The following SIRPB2 variants were observed in gnomAD, a reference collection of about 807,000 sequenced individuals.
The protein encoded by SIRPB2 is signal-regulatory protein beta-2.
Under a neutral mutation model 27.1 loss-of-function variants are expected in SIRPB2, and 18 were observed. That is an observed-to-expected ratio of 0.66 (90% CI 0.46 to 0.98). The LOEUF (loss-of-function observed/expected upper bound fraction) is 0.98, where lower values mean the gene tolerates loss of function less well. Ranked by LOEUF, SIRPB2 falls within the 50% of genes least tolerant of loss-of-function variation. SIRPB2 has a pLI of 0.00. For synonymous variants in SIRPB2, 150 were observed against 164.6 expected, an observed-to-expected ratio of 0.91 and a Z score of 0.68; for missense variants, 420 against 417.4, an observed-to-expected ratio of 1.01 and a Z score of -0.06.
chr20:1,483,363 T>A lies in SIRPB2; in HGVS notation c.86-3298A>T, dbSNP rs111961698. On this transcript the variant is annotated intron_variant, in intron 1 of 4. Coordinates refer to ENST00000359801, the MANE Select transcript of SIRPB2 (RefSeq NM_001122962.2). Reference sequence around the variant, plus strand: ...CTCAGGTGATCTGCCCACCTCAGCCTCCCATAGTGCTGGGATTACAGGCAC... The same window carrying A: ...CTCAGGTGATCTGCCCACCTCAGCCACCCATAGTGCTGGGATTACAGGCAC... Among the ~76,000 whole-genome samples the A allele has an allele frequency of 2.4e-3, 369 of 152,274 alleles. 2 individuals carry two copies. The highest frequency in any genetic ancestry group is 8.7e-3 in the African/African-American group (360 of 41,554).
rs1261264381 is a variant in SIRPB2 at position 1,476,266 on chromosome 20, G to A, written c.930C>T (p.Ala310=). The A allele has an allele frequency of 6.2e-7, 1 of 1,613,888 alleles. No homozygotes were observed. Among genetic ancestry groups the A allele is most frequent in the Non-Finnish European group, 8.5e-7 (1 of 1,179,994 alleles). ...KAITLAALLL[A]LATSRRSPGQ... ...CAGGGCTCCTCCGAGAGGTAGCCAG[G>A]GCCAGTAGGAGTGCAGCCAAGGTAA... is the stretch of plus-strand genomic sequence containing the variant. The change falls in exon 5 of 5, where the codon GCC becomes GCT. Residue 310 remains alanine, a synonymous_variant. Transcript: ENST00000359801.
intron 1 of SIRPB2, among the ~76,000 whole-genome samples, chr20:1,485,602 C>A (rs1454054802): frequency 2.0e-5 from 3 of 151,030 alleles, no homozygotes; most frequent in Admixed American, 2.0e-4. Flanking sequence ...AGGAAATCAT[C>A]AAGCTGGAAA....
intron 1 of SIRPB2, among the ~76,000 whole-genome samples, chr20:1,482,832 A>T (rs984147269): frequency 6.6e-6 from 1 of 151,138 alleles, no homozygotes; most frequent in Non-Finnish European, 1.5e-5. Context: ...ATATATATGT[A>T]TTTTTTTTAT....
At position 1,480,002 on chromosome 20, in the gene SIRPB2, A is replaced by G; in HGVS notation, c.149T>C (p.Val50Ala). 1 of 1,614,124 alleles carries G rather than the reference A, an allele frequency of 6.2e-7. No homozygotes were observed. Among genetic ancestry groups the G allele is most frequent in the Non-Finnish European group, 8.5e-7 (1 of 1,180,038 alleles). The change falls in exon 2 of 5, where the codon GTG becomes GCG. Residue 50 changes from valine (V) to alanine (A), a missense_variant. Physicochemically the swap from Val to Ala is moderately conservative, Grantham distance 64. Transcript: ENST00000359801. The part of the protein sequence containing the change: ...QVLQPEGPML[V>A]AEGETLLLRC... ...CAGTAGAAGTGTCTCACCTTCTGCCACCAGCATGGGGCCCTCGGGCTGTAG... is the reference window on the plus strand; with the variant it reads ...CAGTAGAAGTGTCTCACCTTCTGCCGCCAGCATGGGGCCCTCGGGCTGTAG...
chr20:1,478,409 G>A lies in SIRPB2; in HGVS notation c.650C>T (p.Ala217Val), dbSNP rs111422434. The A allele has an allele frequency of 1.8e-4, 290 of 1,614,148 alleles. No homozygotes were observed. The highest frequency in any genetic ancestry group is 1.6e-3 in the African/African-American group (121 of 75,046). ...FGGISHPKET[A>V]VQASNNDFSI... The stretch of plus-strand genomic sequence containing the variant: ...GAAGTCATTGTTGGAGGCCTGCACC[G>A]CTGTCTCCTTGGGGTGGGAGATGCC... The change falls in exon 3 of 5, where the codon GCG (alanine) becomes GTG (valine). Residue 217 changes from alanine (A) to valine (V), a missense_variant. Transcript: ENST00000359801.
intron 1 of SIRPB2, among the ~76,000 whole-genome samples, chr20:1,488,232 C>T (rs576530482): frequency 3.3e-5 from 5 of 152,178 alleles, no homozygotes; most frequent in African/African-American, 9.6e-5. Context: ...AACGAACTCT[C>T]AAAACTCAAT....
At position 1,478,599 on chromosome 20, in the gene SIRPB2, C is replaced by A. The variant is rs200910240; in HGVS notation, c.460G>T (p.Asp154Tyr). The change falls in exon 3 of 5, where the codon GAC becomes TAC. Residue 154 changes from aspartate (D) to tyrosine (Y), a missense_variant. Asp to Tyr is a radical substitution (Grantham distance 160). Transcript: ENST00000359801. ...GTSVLVKGAG[D>Y]PEPDLWIIQP... ...ATGATCCACAGGTCTGGTTCAGGGT[C>A]CCCAGCTCCTGAAGCCAAAGAGGAG... 747 of 1,565,442 alleles carry A rather than the reference C, an allele frequency of 4.8e-4. 2 individuals are homozygous for A. The highest frequency in any genetic ancestry group is 9.7e-4 in the Admixed American group (51 of 52,754).
At position 1,476,330 on chromosome 20, in the gene SIRPB2, AGGAGGCCTG is replaced by A; in HGVS notation, c.860-3_865del. ...CAGGACCACAGGTGCGAACACAACC[AGGAGGCCTG>A]GGAGGCACAGGAGAGAGCTCAGGCG... is the stretch of plus-strand genomic sequence containing the variant. On this transcript the variant is annotated splice_acceptor_variant and splice_polypyrimidine_tract_variant and coding_sequence_variant and intron_variant, in exon 5 of 5. Coordinates refer to ENST00000359801, the MANE Select transcript of SIRPB2 (RefSeq NM_001122962.2). LOFTEE classifies it high-confidence loss of function. The A allele has an allele frequency of 1.2e-6, 2 of 1,612,346 alleles. No individual in the cohort carries two copies. Among genetic ancestry groups the A allele is most frequent in the Non-Finnish European group, 1.7e-6 (2 of 1,179,504 alleles).
intron 1 of SIRPB2, among the ~76,000 whole-genome samples, chr20:1,480,878 C>G (rs911817969): frequency 1.3e-5 from 2 of 152,240 alleles, no homozygotes; most frequent in Non-Finnish European, 2.9e-5. Flanking sequence ...TATTAATCTT[C>G]AAATGCCACC....
At chr20:1,481,804 C>G (rs2090673652) in intron 1 of SIRPB2, among the ~76,000 whole-genome samples, 1 of 152,214 alleles carries the variant, frequency 6.6e-6, no homozygotes, top group East Asian at 1.9e-4. Flanking sequence ...GACATCCACT[C>G]TCAAACATTA....
Position 1,478,465 on chromosome 20 carries a change from A to G in SIRPB2, c.594T>C (p.Gly198=). The G allele has an allele frequency of 6.2e-7, 1 of 1,614,196 alleles. No individual in the cohort carries two copies. The highest frequency in any genetic ancestry group is 8.5e-7 in the Non-Finnish European group (1 of 1,180,044). The change falls in exon 3 of 5, where the codon GGT becomes GGC. Residue 198 remains glycine, a synonymous_variant. Transcript: ENST00000359801. The part of the protein sequence containing the change: ...PGPIRWFQGA[G]LSREAIYNFG... The stretch of plus-strand genomic sequence containing the variant: ...AGTTGTAAATGGCCTCCCGGCTCAG[A>G]CCAGCTCCCTGGAACCACCTGATGG...
At chr20:1,478,091 G>T in intron 3 of SIRPB2, 175 bp downstream of exon 3, 1 of 717,748 alleles carries the variant, frequency 1.4e-6, no homozygotes. Flanking sequence ...TTTGTGCTGG[G>T]CCTTGAAGGA....
intron 1 of SIRPB2, among the ~76,000 whole-genome samples, chr20:1,488,891 A>T (rs1260117983): frequency 3.3e-5 from 5 of 152,226 alleles, no homozygotes; most frequent in African/African-American, 1.2e-4. Context: ...AAATGAAAGT[A>T]TATATCCACA....
chr20:1,478,653 A>G, intron 2 of SIRPB2, 46 bp from the exon 3 acceptor site: 1 of 1,445,640 alleles, frequency 6.9e-7, no homozygotes. Context: ...CTCCTCTTCC[A>G]TCGTTCACTC....
At position 1,477,426 on chromosome 20, in the gene SIRPB2, C is replaced by A. The variant is rs781377130; in HGVS notation, c.794-23G>T. 3.1e-6 allele frequency: 5 copies of A among 1,599,710 alleles called. No individual in the cohort carries two copies. In the African/African-American group the frequency reaches 6.7e-5, roughly 21 times the overall value. On this transcript the variant is annotated intron_variant, in intron 3 of 4. Coordinates refer to ENST00000359801, the MANE Select transcript of SIRPB2 (RefSeq NM_001122962.2). ...TTGCTGCAAGGGAGAGAGGCTTTGTCATACTTCCCTTTATCTTTATCTCCC... is the reference window on the plus strand; with the variant it reads ...TTGCTGCAAGGGAGAGAGGCTTTGTAATACTTCCCTTTATCTTTATCTCCC...
chr20:1,491,208 C>T (rs2090773693), intron 1 of SIRPB2, 67 bp downstream of exon 1: 1 of 1,389,794 alleles, frequency 7.2e-7, no homozygotes, highest in Non-Finnish European at 9.9e-7. Flanking sequence ...CATGGCAGAG[C>T]ACTTAGTGCC....
At chr20:1,471,637 C>T (rs375185762), downstream of SIRPB2, among the ~76,000 whole-genome samples, 12 of 152,264 alleles carry the variant, frequency 7.9e-5, no homozygotes, top group East Asian at 7.7e-4. Flanking sequence ...GCTCTCTGGG[C>T]GGTGTGTCTT....
At chr20:1,476,361 G>T in intron 4 of SIRPB2, 25 bp from the exon 5 acceptor site, 1 of 1,597,820 alleles carries the variant, frequency 6.3e-7, no homozygotes, top group South Asian at 1.1e-5. Context: ...AGAGAGCTCA[G>T]GCGGGACCCG....
chr20:1,480,189 A>C (rs1438932776), intron 1 of SIRPB2, 124 bp from the exon 2 acceptor site: 11 of 1,307,426 alleles, frequency 8.4e-6, no homozygotes, highest in Non-Finnish European at 1.1e-5. Context: ...CAGGAGTGTC[A>C]TTAGACAGGG....
Sources: gnomAD v4.1 joint callset for allele counts (sites outside exome capture counted in the v4.1 genomes callset) on GRCh38, gnomAD v4.1.1 for gene constraint, MANE v1.5 for transcripts, NCBI Gene and HGNC (gene_info 2026-07-23, HGNC 2026-07-21) for gene names.